The following SNX30 variants were observed in gnomAD, a reference collection of about 807,000 sequenced individuals.
SNX30 encodes sorting nexin family member 30.
SNX30 carries 24 observed loss-of-function variants against 46.4 expected under a neutral mutation model. The ratio of observed to expected loss-of-function variants is 0.52; its 90% CI spans 0.37 to 0.73. SNX30 has a LOEUF of 0.73. SNX30 is among the 30% of genes least tolerant of loss of function. The pLI is 0.00. For synonymous variants in SNX30, 189 were observed against 211.5 expected (o/e 0.89, Z 0.92); for missense variants, 533 against 555.7 (o/e 0.96, Z 0.41).
intron 1 of SNX30, among the ~76,000 whole-genome samples, chr9:112,786,752 C>G (rs1839935972): frequency 6.6e-6 from 1 of 151,868 alleles, no homozygotes; most frequent in South Asian, 2.1e-4. Flanking sequence ...AATCTGCCCA[C>G]CTTGGCCTCC....
chr9:112,851,294 A>G lies in SNX30; in HGVS notation c.1101+349A>G, dbSNP rs369327983. ...TGTGGTTCATAGGCCCACAAACTAT[A>G]CAATCCATGATGAGGAAAGTATAGA... On this transcript the variant is annotated intron_variant, in intron 7 of 8. Coordinates refer to ENST00000374232, the MANE Select transcript of SNX30 (RefSeq NM_001012994.2). Among the ~76,000 whole-genome samples the G allele has an allele frequency of 1.7e-4, 26 of 152,250 alleles. No homozygotes were observed. The East Asian group carries it at 4.6e-3, about 27-fold the overall frequency.
chr9:112,808,842 T>A (rs972927786), intron 2 of SNX30, among the ~76,000 whole-genome samples: 1 of 152,218 alleles, frequency 6.6e-6, no homozygotes, highest in Non-Finnish European at 1.5e-5. Context: ...AGCGTTCCAT[T>A]GTATGGATGT....
intron 1 of SNX30, among the ~76,000 whole-genome samples, 169 bp from the exon 2 acceptor site, chr9:112,804,607 C>T (rs1466759790): frequency 6.6e-6 from 1 of 152,144 alleles, no homozygotes. Context: ...TTCTCTTGGT[C>T]GTAAAAGATT....
intron 1 of SNX30, among the ~76,000 whole-genome samples, chr9:112,773,844 A>G (rs935014826): frequency 6.6e-6 from 1 of 152,206 alleles, no homozygotes; most frequent in African/African-American, 2.4e-5. Flanking sequence ...TTATATTTAT[A>G]TTACCATGGA....
At chr9:112,885,142 T>TTAACATA (rs1297249901), downstream of SNX30, 15 of 152,208 alleles carry the variant, frequency 9.9e-5, no homozygotes, top group African/African-American at 3.6e-4. Context: ...CTTCCTATCT[T>TTAACATA]ATTTTTCTCA....
intron 7 of SNX30, among the ~76,000 whole-genome samples, chr9:112,857,833 T>C (rs2131495443): frequency 6.6e-6 from 1 of 152,250 alleles, no homozygotes; most frequent in Middle Eastern, 3.4e-3. Flanking sequence ...TTTATTGCTC[T>C]GTTGCCAGGC....
intron 1 of SNX30, among the ~76,000 whole-genome samples, chr9:112,779,344 TC>T (rs1839807795): frequency 6.6e-6 from 1 of 152,224 alleles, no homozygotes; most frequent in African/African-American, 2.4e-5. Flanking sequence ...CATTTCTCCT[TC>T]TGTTTCATAT....
At chr9:112,776,899 TA>T (rs1228359356) in intron 1 of SNX30, among the ~76,000 whole-genome samples, 1 of 152,212 alleles carries the variant, frequency 6.6e-6, no homozygotes, top group East Asian at 1.9e-4. Context: ...CTTCCCACAA[TA>T]CCCTTCCTCT....
At chr9:112,831,530 G>A (rs559822237) in intron 4 of SNX30, among the ~76,000 whole-genome samples, 2 of 152,312 alleles carry the variant, frequency 1.3e-5, no homozygotes, top group Admixed American at 6.5e-5. Flanking sequence ...ATTACTTGCA[G>A]CTGCATTTTA....
At chr9:112,783,804 G>A (rs1429408544) in intron 1 of SNX30, among the ~76,000 whole-genome samples, 1 of 152,200 alleles carries the variant, frequency 6.6e-6, no homozygotes, top group Non-Finnish European at 1.5e-5. Flanking sequence ...GTTTGTGAGA[G>A]TGGAAAAAAC....
intron 6 of SNX30, among the ~76,000 whole-genome samples, chr9:112,843,327 C>G (rs1340928783): frequency 6.6e-6 from 1 of 152,076 alleles, no homozygotes; most frequent in African/African-American, 2.4e-5. Flanking sequence ...ATGCTTATCT[C>G]AGGGGTCTTG....
chr9:112,790,887 G>A (rs73548658), intron 1 of SNX30, among the ~76,000 whole-genome samples: 1 of 152,192 alleles, frequency 6.6e-6, no homozygotes, highest in Non-Finnish European at 1.5e-5. Context: ...GCAGATCACT[G>A]TATGAGTTCA....
chr9:112,784,627 G>C (rs1839892957), intron 1 of SNX30, among the ~76,000 whole-genome samples: 2 of 152,178 alleles, frequency 1.3e-5, no homozygotes, highest in Non-Finnish European at 2.9e-5. Context: ...GTTTATAGAG[G>C]ACTTTCTCAC....
chr9:112,825,827 G>T (rs1032388281), intron 3 of SNX30, among the ~76,000 whole-genome samples: 19 of 152,064 alleles, frequency 1.2e-4, no homozygotes, highest in African/African-American at 4.3e-4. Flanking sequence ...ATTCCTATGT[G>T]TAAACAACCC....
chr9:112,752,347 G>A (rs574931051), intron 1 of SNX30, among the ~76,000 whole-genome samples: 36 of 152,280 alleles, frequency 2.4e-4, no homozygotes, highest in African/African-American at 8.2e-4. Flanking sequence ...CAGGTGCAGT[G>A]GCTCACACCT....
intron 1 of SNX30, among the ~76,000 whole-genome samples, chr9:112,769,711 G>A (rs1411761175): frequency 6.6e-6 from 1 of 152,080 alleles, no homozygotes; most frequent in Admixed American, 6.5e-5. Flanking sequence ...TCTGCATGGT[G>A]TCCCTAAGCA....
At chr9:112,769,272 A>G (rs1216012251) in intron 1 of SNX30, among the ~76,000 whole-genome samples, 2 of 152,202 alleles carry the variant, frequency 1.3e-5, no homozygotes, top group African/African-American at 4.8e-5. Flanking sequence ...AGACCTCTAC[A>G]TTGAGGTCGT....
intron 2 of SNX30, among the ~76,000 whole-genome samples, chr9:112,807,311 C>T (rs940540557): frequency 6.6e-6 from 1 of 152,068 alleles, no homozygotes; most frequent in Non-Finnish European, 1.5e-5. Context: ...GGTGATCTGC[C>T]CGCCTGGGCC....
At chr9:112,833,901 G>A (rs1421662465) in intron 4 of SNX30, among the ~76,000 whole-genome samples, 1 of 152,202 alleles carries the variant, frequency 6.6e-6, no homozygotes. Flanking sequence ...TGACTCTGAA[G>A]GAAACGAGAG....
Sources: gnomAD v4.1 joint callset for allele counts (sites outside exome capture counted in the v4.1 genomes callset) on GRCh38, gnomAD v4.1.1 for gene constraint, MANE v1.5 for transcripts, NCBI Gene and HGNC (gene_info 2026-07-23, HGNC 2026-07-21) for gene names.